Variants in ATP8A2 observed in about 807,000 individuals in gnomAD.
ATP8A2 encodes the protein phospholipid-transporting ATPase IB.
In ATP8A2, 100 loss-of-function variants were observed where a neutral mutation model predicts 165.6. The ratio of observed to expected loss-of-function variants is 0.60; its 90% CI spans 0.51 to 0.71. ATP8A2 has a LOEUF of 0.71. Ranked by LOEUF, ATP8A2 falls within the 30% of genes least tolerant of loss-of-function variation. The pLI, the probability that ATP8A2 is intolerant of heterozygous loss-of-function variation, is 0.00. For missense variants in ATP8A2, 1,227 were observed against 1,479.5 expected (o/e 0.83, Z 2.80); for synonymous variants, 543 against 548.8 (o/e 0.99, Z 0.15).
chr13:25,390,703 G>T (rs973867885), intron 1 of ATP8A2, among the ~76,000 whole-genome samples: 1 of 152,170 alleles, frequency 6.6e-6, no homozygotes, highest in African/African-American at 2.4e-5. Flanking sequence ...GCCAAGCTGG[G>T]TGGATCATTT....
At position 25,973,754 on chromosome 13, in the gene ATP8A2, C is replaced by T. The variant is rs76179034; in HGVS notation, c.3377+5075C>T. On this transcript the variant is annotated intron_variant, in intron 35 of 36. Coordinates refer to ENST00000381655, the MANE Select transcript of ATP8A2 (RefSeq NM_016529.6). ...AGTCCCACTGCCAGGCTGAGCATGT[C>T]GCTGAGCCAGCCTGAGGCAGGAGGG... 6.4e-3 allele frequency among the ~76,000 whole-genome samples: 977 copies of T among 152,334 alleles called. 5 individuals are homozygous for T. The highest frequency in any genetic ancestry group is 0.027 in the Middle Eastern group (8 of 292).
chr13:25,849,634 A>G (rs942621370), intron 30 of ATP8A2, among the ~76,000 whole-genome samples: 3 of 152,200 alleles, frequency 2.0e-5, no homozygotes, highest in Non-Finnish European at 4.4e-5. Context: ...TGGAGAGCTC[A>G]TGTGGTTTTG....
intron 10 of ATP8A2, among the ~76,000 whole-genome samples, chr13:25,544,226 A>G (rs978522806): frequency 1.3e-5 from 2 of 152,232 alleles, no homozygotes; most frequent in Non-Finnish European, 2.9e-5. Flanking sequence ...TAGAATGACA[A>G]AGTAGAGAGA....
Position 25,971,210 on chromosome 13 carries a change from A to G in ATP8A2, c.3377+2531A>G, listed in dbSNP as rs939088805. 6.2e-5 allele frequency among the ~76,000 whole-genome samples: 9 copies of G among 145,804 alleles called. No homozygotes were observed. The South Asian group carries it at 9.0e-4, about 15-fold the overall frequency. The stretch of plus-strand genomic sequence containing the variant: ...TTGTTTTTCTCACTCCTAATTACTC[A>G]CAGATTTTCTGGGTGGTCCATCTGC... On this transcript the variant is annotated intron_variant, in intron 35 of 36. Coordinates refer to ENST00000381655, the MANE Select transcript of ATP8A2 (RefSeq NM_016529.6).
chr13:25,469,426 C>T (rs2035778173), intron 2 of ATP8A2, among the ~76,000 whole-genome samples: 1 of 152,254 alleles, frequency 6.6e-6, no homozygotes, highest in Admixed American at 6.5e-5. Context: ...CTTTTCATCC[C>T]TGGGCTTCCT....
At chr13:25,403,894 A>T (rs1038328606) in intron 1 of ATP8A2, among the ~76,000 whole-genome samples, 1 of 152,156 alleles carries the variant, frequency 6.6e-6, no homozygotes, top group African/African-American at 2.4e-5. Context: ...GGTTTGCTTT[A>T]TTTATCCCAG....
intron 1 of ATP8A2, among the ~76,000 whole-genome samples, chr13:25,456,977 T>TA (rs771815161): frequency 6.6e-6 from 1 of 152,130 alleles, no homozygotes; most frequent in Non-Finnish European, 1.5e-5. Context: ...GCTGATGAGC[T>TA]AAAAAAAGAA....
At position 25,558,831 on chromosome 13, in the gene ATP8A2, AT is replaced by A. The variant is rs796814129; in HGVS notation, c.1264-136del. ...GGTCTAAGCATTAAAATATTAATATATTTTTTGTTACTAATTTGCTTGCTTT... is the reference window on the plus strand; with the variant it reads ...GGTCTAAGCATTAAAATATTAATATATTTTTGTTACTAATTTGCTTGCTTT... On this transcript the variant is annotated intron_variant, in intron 13 of 36. Transcript: ENST00000381655. 3.9e-4 allele frequency: 215 copies of A among 553,388 alleles called. 1 individual carries two copies. Among genetic ancestry groups the A allele is most frequent in the African/African-American group, 3.0e-3 (156 of 52,200 alleles). 34.3% of individuals were successfully genotyped at this position (553,388 alleles called of 1,614,324 possible).
intron 24 of ATP8A2, among the ~76,000 whole-genome samples, chr13:25,594,247 A>G (rs1365040177): frequency 6.6e-6 from 1 of 152,238 alleles, no homozygotes; most frequent in African/African-American, 2.4e-5. Flanking sequence ...AAATTCGTGA[A>G]TGATAAATGT....
intron 27 of ATP8A2, among the ~76,000 whole-genome samples, chr13:25,795,073 C>A (rs1950471992): frequency 6.6e-6 from 1 of 151,974 alleles, no homozygotes; most frequent in African/African-American, 2.4e-5. Context: ...CATTATAAAC[C>A]AGGGAACAGT....
At chr13:25,415,688 G>A (rs2034112098) in intron 1 of ATP8A2, among the ~76,000 whole-genome samples, 1 of 152,144 alleles carries the variant, frequency 6.6e-6, no homozygotes, top group Admixed American at 6.5e-5. Context: ...AAAGCAGTGA[G>A]CACATCCCTG....
At position 25,531,288 on chromosome 13, in the gene ATP8A2, T is replaced by C. The variant is rs2038058967; in HGVS notation, c.420+628T>C. 6.9e-5 allele frequency among the ~76,000 whole-genome samples: 4 copies of C among 58,312 alleles called. 1 individual carries two copies. The South Asian group carries it at 1.6e-3, about 23-fold the overall frequency. 38.3% of individuals were successfully genotyped at this position (58,312 alleles called of 152,430 possible). ...ATATATATGATATATATGTTATATA[T>C]GATATATATGTTATATATGATATAT... On this transcript the variant is annotated intron_variant, in intron 4 of 36. Transcript: ENST00000381655.
rs191569014 is a variant in ATP8A2 at position 25,559,803 on chromosome 13, A to G, written c.1397+38A>G. On this transcript the variant is annotated intron_variant, in intron 15 of 36. Transcript: ENST00000381655. ...TAGCACTTCTTGACACTTTAGTGGA[A>G]AAGCTTTTGGAATAATTATTTATTA... 4.4e-4 allele frequency: 646 copies of G among 1,455,282 alleles called. 3 individuals carry two copies. The African/African-American group carries it at 8.4e-3, about 19-fold the overall frequency. The allele number at this position is 1,455,282 out of a possible 1,614,324, so 90.1% of individuals were successfully genotyped here.
At chr13:25,815,280 A>G (rs1161573299) in intron 27 of ATP8A2, among the ~76,000 whole-genome samples, 5 of 152,346 alleles carry the variant, frequency 3.3e-5, no homozygotes, top group African/African-American at 1.2e-4. Flanking sequence ...GAATGGGAGA[A>G]AATATTTGCA....
intron 33 of ATP8A2, among the ~76,000 whole-genome samples, chr13:25,882,009 AAG>A (rs2138855946): frequency 6.6e-6 from 1 of 152,210 alleles, no homozygotes; most frequent in East Asian, 1.9e-4. Flanking sequence ...AAAGAGAAAA[AAG>A]AGCCTGGAAG....
At chr13:25,974,018 C>CA (rs1295504481) in intron 35 of ATP8A2, among the ~76,000 whole-genome samples, 3 of 152,198 alleles carry the variant, frequency 2.0e-5, no homozygotes, top group Non-Finnish European at 4.4e-5. Flanking sequence ...TGTCTGCTTC[C>CA]AGCACCTGGT....
At chr13:25,594,951 C>G (rs568667135) in intron 24 of ATP8A2, among the ~76,000 whole-genome samples, 1 of 145,476 alleles carries the variant, frequency 6.9e-6, no homozygotes, top group Non-Finnish European at 1.5e-5. Flanking sequence ...CATCAAACAA[C>G]GAGTAGATAA....
chr13:25,908,712 C>T (rs1187331638), intron 33 of ATP8A2, among the ~76,000 whole-genome samples: 1 of 152,204 alleles, frequency 6.6e-6, no homozygotes, highest in Non-Finnish European at 1.5e-5. Flanking sequence ...ATAGAGAAAA[C>T]ATTTCAAATA....
At chr13:25,541,799 C>T (rs2038486036) in intron 8 of ATP8A2, 120 bp from the exon 9 acceptor site, 1 of 1,064,736 alleles carries the variant, frequency 9.4e-7, no homozygotes, top group Non-Finnish European at 1.3e-6. Context: ...CTTGTTAGCC[C>T]CCCAAATTAT....
Sources: gnomAD v4.1 joint callset for allele counts (sites outside exome capture counted in the v4.1 genomes callset) on GRCh38, gnomAD v4.1.1 for gene constraint, MANE v1.5 for transcripts, NCBI Gene and HGNC (gene_info 2026-07-23, HGNC 2026-07-21) for gene names.